FAM120A: variants seen among roughly 807,000 people sequenced by gnomAD.
The protein encoded by FAM120A is constitutive coactivator of PPAR-gamma-like protein 1.
Under a neutral mutation model 109.7 loss-of-function variants are expected in FAM120A, and 15 were observed. That is an observed-to-expected ratio of 0.14 (90% CI 0.09 to 0.21). FAM120A has a LOEUF of 0.21. FAM120A is among the 10% of genes least tolerant of loss of function. FAM120A has a pLI of 1.00. For missense variants in FAM120A, 899 were observed against 1,439.3 expected (o/e 0.62, Z 6.07); for synonymous variants, 493 against 572.8 (o/e 0.86, Z 1.99).
Position 93,452,841 on chromosome 9 carries a change from T to G in FAM120A, c.474+452T>G. 1 of 1,521,916 alleles carries G rather than the reference T, an allele frequency of 6.6e-7. No homozygotes were observed. The highest frequency in any genetic ancestry group is 1.2e-5 in the South Asian group (1 of 82,574). 94.3% of individuals were successfully genotyped at this position (1,521,916 alleles called of 1,614,324 possible). A position where few individuals can be genotyped will look rare whatever the true frequency, so the allele number is the denominator to read the frequency against. ...CAGGATACAGAGTAATAGAGGGGGT[T>G]TCGCCAGAGCCCTTGGGGGCTGCAA... On this transcript the variant is annotated intron_variant, in intron 1 of 17. Transcript: ENST00000277165. This position sits in a 1 kb window ranked among gnomAD's most constrained non-coding sequence, Gnocchi z 7.0.
At chr9:93,550,354 G>A (rs1355161088) in intron 11 of FAM120A, among the ~76,000 whole-genome samples, 1 of 152,226 alleles carries the variant, frequency 6.6e-6, no homozygotes, top group Non-Finnish European at 1.5e-5. Flanking sequence ...ACAATTCAGT[G>A]TGCTATTTTT....
chr9:93,532,350 T>C lies in FAM120A; in HGVS notation c.1909+21T>C. ...AGAATGTATGTACTGTAACAATCCA[T>C]TGTTTGTTTTCCTCGGTACCTCGTA... On this transcript the variant is annotated intron_variant, in intron 10 of 17. Transcript: ENST00000277165. The surrounding 1 kb of genome is among the most constrained non-coding windows in gnomAD (Gnocchi z 4.3). The C allele has an allele frequency of 6.2e-7, 1 of 1,613,068 alleles. No individual in the cohort carries two copies. Among genetic ancestry groups the C allele is most frequent in the Non-Finnish European group, 8.5e-7 (1 of 1,179,064 alleles).
chr9:93,530,257 CT>C (rs1861275979), intron 9 of FAM120A: 2 of 152,044 alleles, frequency 1.3e-5, no homozygotes, highest in Admixed American at 6.6e-5. Flanking sequence ...TTTAAATTTC[CT>C]CAGTGATTTG....
chr9:93,462,370 T>G lies in FAM120A; in HGVS notation c.475-8771T>G, dbSNP rs1041056603. 3.1e-5 allele frequency among the ~76,000 whole-genome samples: 4 copies of G among 129,980 alleles called. No individual in the cohort carries two copies. The Admixed American group carries it at 3.1e-4, about 10-fold the overall frequency. The allele number at this position is 129,980 out of a possible 152,430, so 85.3% of individuals were successfully genotyped here. A position where few individuals can be genotyped will look rare whatever the true frequency, so the allele number is the denominator to read the frequency against. On this transcript the variant is annotated intron_variant, in intron 1 of 17. Coordinates refer to ENST00000277165, the MANE Select transcript of FAM120A (RefSeq NM_014612.5). ...ATCTCAGCCCACTGCAACCTCTGCC[T>G]CCCGGGTGCAAGCAGTTCTGCCTCA...
intron 15 of FAM120A, among the ~76,000 whole-genome samples, chr9:93,559,035 G>A (rs573802229): frequency 2.0e-5 from 3 of 152,106 alleles, no homozygotes; most frequent in South Asian, 2.1e-4. Flanking sequence ...TAATAGTGGC[G>A]TTTCTTTCCC....
In FAM120A at chr9:93,497,609, A is replaced by AAC. The variant is rs775636848; in HGVS notation, c.933+11_933+12insCA. The AAC allele has an allele frequency of 1.3e-5, 20 of 1,591,146 alleles. No individual in the cohort carries two copies. The African/African-American group carries it at 2.8e-4, about 22-fold the overall frequency. ...TTTCCAGCATTCACAGGTAAAAAAA[A>AAC]AAACAAACAAAACAAAAAAACAGAT... On this transcript the variant is annotated intron_variant, in intron 4 of 17. Transcript: ENST00000277165.
intron 5 of FAM120A, among the ~76,000 whole-genome samples, chr9:93,501,175 T>C (rs562249004): frequency 1.3e-5 from 2 of 152,324 alleles, no homozygotes; most frequent in South Asian, 4.1e-4. Flanking sequence ...TGGGACAGTC[T>C]GTATGGCAGG....
intron 17 of FAM120A, among the ~76,000 whole-genome samples, chr9:93,562,544 T>C (rs1292447310): frequency 6.6e-6 from 1 of 152,192 alleles, no homozygotes; most frequent in Non-Finnish European, 1.5e-5. Flanking sequence ...CATGACCCTG[T>C]GTCTCTGGTA....
At chr9:93,460,894 G>A (rs1413803795) in intron 1 of FAM120A, among the ~76,000 whole-genome samples, 6 of 152,198 alleles carry the variant, frequency 3.9e-5, no homozygotes, top group Non-Finnish European at 8.8e-5. Context: ...TTATCTTTGA[G>A]TAAACCTTTT....
intron 1 of FAM120A, chr9:93,453,554 C>A: frequency 1.0e-6 from 1 of 985,402 alleles, no homozygotes; most frequent in Non-Finnish European, 1.2e-6. Context: ...CCCCCACTGC[C>A]CGCGAGGAGA....
At chr9:93,468,007 G>A (rs1858128972) in intron 1 of FAM120A, among the ~76,000 whole-genome samples, 1 of 151,814 alleles carries the variant, frequency 6.6e-6, no homozygotes, top group East Asian at 1.9e-4. Context: ...TCAGCCTCCC[G>A]GGTAGCTGGG....
chr9:93,452,183 A>G lies in FAM120A; in HGVS notation c.268A>G (p.Ile90Val), dbSNP rs766760963. The G allele has an allele frequency of 3.7e-6, 6 of 1,611,702 alleles. No homozygotes were observed. The highest frequency in any genetic ancestry group is 5.1e-6 in the Non-Finnish European group (6 of 1,179,742). ...ALAKACFGGN[I>V]ELFVFFNGAL... ...GGCCAAGGCCTGCTTCGGCGGCAAC[A>G]TCGAGCTCTTCGTCTTCTTCAACGG... The change falls in exon 1 of 18, where the codon ATC becomes GTC. Residue 90 changes from isoleucine (I) to valine (V), a missense_variant. By Grantham distance (29) the Ile-to-Val change is conservative. Coordinates refer to ENST00000277165, the MANE Select transcript of FAM120A (RefSeq NM_014612.5). The surrounding 1 kb of genome is among the most constrained non-coding windows in gnomAD (Gnocchi z 7.0).
intron 11 of FAM120A, among the ~76,000 whole-genome samples, chr9:93,548,819 G>C (rs917944504): frequency 6.6e-6 from 1 of 152,016 alleles, no homozygotes; most frequent in African/African-American, 2.4e-5. Context: ...GAGGTGGGTG[G>C]ATCACCTTAG....
Position 93,452,033 on chromosome 9 carries a change from C to T in FAM120A, c.118C>T (p.Pro40Ser). Residue 40 changes from proline to serine, a missense_variant, in exon 1 of 18, where the codon CCG (proline) becomes TCG (serine). Physicochemically the swap from Pro to Ser is moderately conservative, Grantham distance 74. Coordinates refer to ENST00000277165, the MANE Select transcript of FAM120A (RefSeq NM_014612.5). This position sits in a 1 kb window ranked among gnomAD's most constrained non-coding sequence, Gnocchi z 7.0. ...GGTGGGCGGCGGGCGGCAGCGGCCC[C>T]CGCAGACCCCGCTGCGCCTGCTGGT... ...SLVGGGRQRPPQTPLRLLVDA... is the reference protein window; with the variant it reads ...SLVGGGRQRPSQTPLRLLVDA... The T allele has an allele frequency of 1.9e-6, 3 of 1,566,850 alleles. No individual in the cohort carries two copies. The highest frequency in any genetic ancestry group is 2.6e-6 in the Non-Finnish European group (3 of 1,156,662).
chr9:93,557,771 A>G (rs2131563093), intron 13 of FAM120A, 56 bp from the exon 14 acceptor site: 1 of 1,529,676 alleles, frequency 6.5e-7, no homozygotes, highest in Admixed American at 1.9e-5. Context: ...GCTCATTTAA[A>G]TTCAATTAAA....
rs1440344043 is a variant in FAM120A, at chr9:93,452,524, C to A, written c.474+135C>A. 3 of 1,555,990 alleles carry A rather than the reference C, an allele frequency of 1.9e-6. No individual in the cohort carries two copies. The highest frequency in any genetic ancestry group is 1.9e-5 in the Admixed American group (1 of 52,676). On this transcript the variant is annotated intron_variant, in intron 1 of 17. Transcript: ENST00000277165. The surrounding 1 kb of genome is among the most constrained non-coding windows in gnomAD (Gnocchi z 7.0). Reference sequence around the variant, plus strand: ...TTCCCCCAGCCCTTGCCCGGGATAGCCTGGCCGGGCCGGGCTGCAAGATGG... The same window carrying A: ...TTCCCCCAGCCCTTGCCCGGGATAGACTGGCCGGGCCGGGCTGCAAGATGG...
chr9:93,514,812 G>A (rs1860495591), intron 5 of FAM120A, among the ~76,000 whole-genome samples: 1 of 152,202 alleles, frequency 6.6e-6, no homozygotes, highest in South Asian at 2.1e-4. Flanking sequence ...GGCTGACGTG[G>A]CCCCTGAGCT....
chr9:93,483,099 TAGAA>T (rs1311917480), intron 3 of FAM120A, among the ~76,000 whole-genome samples: 9 of 152,172 alleles, frequency 5.9e-5, no homozygotes, highest in African/African-American at 2.2e-4. Flanking sequence ...TGTAAATAAA[TAGAA>T]AGATGAACTT....
chr9:93,538,509 C>T (rs1176718693), intron 10 of FAM120A, among the ~76,000 whole-genome samples: 1 of 152,168 alleles, frequency 6.6e-6, no homozygotes, highest in Non-Finnish European at 1.5e-5. Flanking sequence ...ATAGTAGCTG[C>T]TCCCTAAATA....
Sources: allele counts gnomAD v4.1 joint callset (sites outside exome capture counted in the v4.1 genomes callset), GRCh38; gene constraint gnomAD v4.1.1; non-coding constraint Gnocchi (gnomAD v3.1); transcripts MANE v1.5; gene names NCBI Gene and HGNC (gene_info 2026-07-23, HGNC 2026-07-21).